Variants in MIB1 observed in about 807,000 individuals in gnomAD.
MIB1 encodes E3 ubiquitin-protein ligase MIB1.
Under a neutral mutation model 124.5 loss-of-function variants are expected in MIB1, and 278 were observed. That is an observed-to-expected ratio of 2.23 (90% CI 2.02 to 2.47). The LOEUF is 2.47. Ranked by LOEUF, MIB1 falls within the 30% of genes most tolerant of loss-of-function variation. MIB1 has a pLI of 0.00. For missense variants in MIB1, 957 were observed against 1,254.4 expected, an observed-to-expected ratio of 0.76 and a Z score of 3.58; for synonymous variants, 446 against 429.4, an observed-to-expected ratio of 1.04 and a Z score of -0.48.
chr18:21,795,276 T>A (rs922238814), intron 7 of MIB1, among the ~76,000 whole-genome samples: 8 of 141,696 alleles, frequency 5.6e-5, no homozygotes, highest in African/African-American at 2.1e-4. Context: ...TATATATATA[T>A]AAATATATAT....
rs118085852 is a variant in MIB1 at position 21,821,260 on chromosome 18, C to T, written c.1829+1614C>T. Among the ~76,000 whole-genome samples, 767 of 152,276 alleles carry T rather than the reference C, an allele frequency of 5.0e-3. 6 individuals carry two copies. Among genetic ancestry groups the T allele is most frequent in the Middle Eastern group, 0.014 (4 of 294 alleles). ...AAGCATAGGTCTAAATGGCTCTCTT[C>T]CCCTGTTTCCCAACTTCAGTTTTTG... On this transcript the variant is annotated intron_variant, in intron 12 of 20. Transcript: ENST00000261537.
chr18:21,814,289 A>G (rs1264140234), intron 10 of MIB1, among the ~76,000 whole-genome samples: 1 of 151,706 alleles, frequency 6.6e-6, no homozygotes, highest in Non-Finnish European at 1.5e-5. Context: ...GAATATACAG[A>G]AAAATGTATG....
rs561300621 is a variant in MIB1, at chr18:21,705,495, C to T, written n.167+372C>T. Reference sequence around the variant, plus strand: ...GAAACCATTTATGAAGTAGGGTCTCCTAGGCTTATTTATGGCAATATGATA... The same window carrying T: ...GAAACCATTTATGAAGTAGGGTCTCTTAGGCTTATTTATGGCAATATGATA... On this transcript the variant is annotated intron_variant and non_coding_transcript_variant, in intron 1 of 20. Transcript: ENST00000578646. 3.3e-5 allele frequency among the ~76,000 whole-genome samples: 5 copies of T among 152,218 alleles called. No individual in the cohort carries two copies. In the South Asian group the frequency reaches 1.0e-3, roughly 32 times the overall value.
rs530192543 is a variant in MIB1 at position 21,786,754 on chromosome 18, A to G, written c.909-4620A>G. ...TCTGATGCATTTTTCATTTCAACAG[A>G]TACATTTCTCAGTTCTAGGATTTTT... On this transcript the variant is annotated intron_variant, in intron 6 of 20. Coordinates refer to ENST00000261537, the MANE Select transcript of MIB1 (RefSeq NM_020774.4). Among the ~76,000 whole-genome samples, 14 of 152,254 alleles carry G rather than the reference A, an allele frequency of 9.2e-5. No individual in the cohort carries two copies. The East Asian group carries it at 2.5e-3, about 27-fold the overall frequency.
intron 2 of MIB1, among the ~76,000 whole-genome samples, chr18:21,766,214 A>G (rs938366041): frequency 6.6e-6 from 1 of 152,210 alleles, no homozygotes; most frequent in African/African-American, 2.4e-5. Context: ...TGGAAATACA[A>G]GGGTATCCAA....
chr18:21,761,781 A>G (rs2041100258), intron 1 of MIB1, among the ~76,000 whole-genome samples: 1 of 152,190 alleles, frequency 6.6e-6, no homozygotes, highest in African/African-American at 2.4e-5. Context: ...CTGCACCGGG[A>G]GCTCTGAGCC....
intron 10 of MIB1, among the ~76,000 whole-genome samples, chr18:21,804,552 A>G (rs2041683376): frequency 6.6e-6 from 1 of 152,248 alleles, no homozygotes; most frequent in African/African-American, 2.4e-5. Context: ...ACTTCTTAAT[A>G]TCATTGGAGT....
chr18:21,808,521 T>C (rs985489862), intron 10 of MIB1, among the ~76,000 whole-genome samples: 8 of 152,206 alleles, frequency 5.3e-5, no homozygotes, highest in Non-Finnish European at 1.0e-4. Flanking sequence ...TTTTGGTTGA[T>C]TTAAGCTGTT....
intron 1 of MIB1, among the ~76,000 whole-genome samples, chr18:21,715,921 A>G (rs1196289822): frequency 6.6e-6 from 1 of 152,238 alleles, no homozygotes; most frequent in Non-Finnish European, 1.5e-5. Flanking sequence ...GAGAAATCTA[A>G]AAGTTTGGAA....
chr18:21,762,287 A>G (rs1489151545), intron 1 of MIB1, among the ~76,000 whole-genome samples: 2 of 152,226 alleles, frequency 1.3e-5, no homozygotes, highest in African/African-American at 4.8e-5. Context: ...ACATTCAAAG[A>G]TACTTGTTTG....
chr18:21,812,323 A>C (rs2041783496), intron 10 of MIB1: 3 of 152,244 alleles, frequency 2.0e-5, no homozygotes, highest in Admixed American at 2.0e-4. Context: ...GTAGGTCTCT[A>C]AAGAGATTTG....
intron 1 of MIB1, among the ~76,000 whole-genome samples, chr18:21,724,727 A>AAAATAT (rs1350936232): frequency 7.5e-4 from 13 of 17,366 alleles, no homozygotes; most frequent in African/African-American, 1.3e-3. Flanking sequence ...AAAAAAAAAA[A>AAAATAT]ATATATATAT....
intron 1 of MIB1, among the ~76,000 whole-genome samples, chr18:21,757,247 T>C (rs1014359207): frequency 1.3e-5 from 2 of 150,950 alleles, no homozygotes; most frequent in African/African-American, 4.9e-5. Context: ...GGGTCAGGAG[T>C]TCGAGACCAG....
At chr18:21,805,073 C>G (rs191990454) in intron 10 of MIB1, among the ~76,000 whole-genome samples, 1 of 152,074 alleles carries the variant, frequency 6.6e-6, no homozygotes, top group East Asian at 1.9e-4. Context: ...AGTGCAATGG[C>G]GTGTTCTCAG....
At chr18:21,832,170 A>C (rs2041990372) in intron 12 of MIB1, among the ~76,000 whole-genome samples, 1 of 152,156 alleles carries the variant, frequency 6.6e-6, no homozygotes, top group Non-Finnish European at 1.5e-5. Context: ...TTTTTTTATA[A>C]TGCTTTGGTA....
intron 6 of MIB1, among the ~76,000 whole-genome samples, chr18:21,786,863 T>C (rs1338733986): frequency 3.3e-5 from 5 of 152,226 alleles, no homozygotes; most frequent in Non-Finnish European, 7.3e-5. Flanking sequence ...ATCTTAGAGT[T>C]CAACTGAGTT....
chr18:21,799,828 T>A lies in MIB1; in HGVS notation c.1238-13T>A. 6.2e-7 allele frequency: 1 copy of A among 1,606,738 alleles called. No individual in the cohort carries two copies. Among genetic ancestry groups the A allele is most frequent in the South Asian group, 1.1e-5 (1 of 89,884 alleles). Reference sequence around the variant, plus strand: ...ATCCTCCTATATTAGCAGCTTTATTTGATGCTTTACAGAAAGACTCTCACA... The same window carrying A: ...ATCCTCCTATATTAGCAGCTTTATTAGATGCTTTACAGAAAGACTCTCACA... On this transcript the variant is annotated splice_polypyrimidine_tract_variant and intron_variant, in intron 8 of 20. Transcript: ENST00000261537.
At chr18:21,708,159 C>T (rs1598576375) in intron 1 of MIB1, among the ~76,000 whole-genome samples, 1 of 152,100 alleles carries the variant, frequency 6.6e-6, no homozygotes, top group Non-Finnish European at 1.5e-5. Flanking sequence ...ACATTGATGC[C>T]TATAATATTT....
intron 4 of MIB1, among the ~76,000 whole-genome samples, chr18:21,774,571 A>AGGTAAT (rs2041259185): frequency 6.6e-6 from 1 of 152,216 alleles, no homozygotes; most frequent in African/African-American, 2.4e-5. Flanking sequence ...ACTCCAGCCT[A>AGGTAAT]GGTAATGGAG....
Sources: gnomAD v4.1 joint callset for allele counts (sites outside exome capture counted in the v4.1 genomes callset) on GRCh38, gnomAD v4.1.1 for gene constraint, MANE v1.5 for transcripts, NCBI Gene and HGNC (gene_info 2026-07-23, HGNC 2026-07-21) for gene names.